AP4S1: variants seen among roughly 807,000 people sequenced by gnomAD.
AP4S1 encodes the protein AP-4 complex subunit sigma-1.
In AP4S1, 23 loss-of-function variants were observed where a neutral mutation model predicts 19.8. The ratio of observed to expected loss-of-function variants is 1.16; its 90% CI spans 0.84 to 1.65. AP4S1 has a LOEUF of 1.65. Among genes scored for constraint, AP4S1 ranks in the 40% most tolerant of loss-of-function variants. The probability of loss-of-function intolerance (pLI) is 0.00; values close to 1 mark genes in which losing one functional copy is unlikely to be tolerated. For synonymous variants in AP4S1, 46 were observed against 54.1 expected, an observed-to-expected ratio of 0.85 and a Z score of 0.66; for missense variants, 166 against 172.8, an observed-to-expected ratio of 0.96 and a Z score of 0.22.
chr14:31,065,131 A>G (rs757934379), intron 1 of AP4S1, among the ~76,000 whole-genome samples: 3 of 152,212 alleles, frequency 2.0e-5, no homozygotes, highest in Non-Finnish European at 4.4e-5. Context: ...TCCATTGCCC[A>G]TAAAATAAAG....
chr14:31,068,305 A>C (rs1204071993), intron 2 of AP4S1, among the ~76,000 whole-genome samples: 1 of 152,272 alleles, frequency 6.6e-6, no homozygotes, highest in East Asian at 1.9e-4. Context: ...TAATTTTGTC[A>C]GTTCTCCATT....
At chr14:31,062,737 G>T (rs1040239321) in intron 1 of AP4S1, among the ~76,000 whole-genome samples, 11 of 151,650 alleles carry the variant, frequency 7.3e-5, no homozygotes, top group African/African-American at 2.7e-4. Context: ...GGAGGCCAAG[G>T]TAGGCGGATC....
intron 5 of AP4S1, 169 bp downstream of exon 5, chr14:31,080,753 A>G (rs1566543787): frequency 1.1e-6 from 1 of 888,362 alleles, no homozygotes. Flanking sequence ...CTCCTCCCCA[A>G]CTTCGTCACC....
chr14:31,057,550 T>A (rs1335126530), intron 1 of AP4S1, among the ~76,000 whole-genome samples: 1 of 152,236 alleles, frequency 6.6e-6, no homozygotes, highest in Non-Finnish European at 1.5e-5. Flanking sequence ...GCATTAAGTT[T>A]ACATCATGTG....
At chr14:31,040,884 A>G (rs1397879602) in intron 1 of AP4S1, among the ~76,000 whole-genome samples, 6 of 151,828 alleles carry the variant, frequency 4.0e-5, no homozygotes, top group African/African-American at 1.2e-4. Context: ...TAAGATGTAC[A>G]TAACATGGTG....
intron 3 of AP4S1, among the ~76,000 whole-genome samples, chr14:31,071,269 T>C (rs1886983220): frequency 6.6e-6 from 1 of 152,168 alleles, no homozygotes; most frequent in Non-Finnish European, 1.5e-5. Context: ...GAAGTGGTTT[T>C]CCCATCTTCA....
At chr14:31,041,810 C>G (rs1032941384) in intron 1 of AP4S1, among the ~76,000 whole-genome samples, 1 of 152,136 alleles carries the variant, frequency 6.6e-6, no homozygotes, top group Non-Finnish European at 1.5e-5. Flanking sequence ...CACAGTTTGT[C>G]AAAGTAAGTA....
At chr14:31,063,864 T>C (rs571735659) in intron 1 of AP4S1, among the ~76,000 whole-genome samples, 1 of 152,350 alleles carries the variant, frequency 6.6e-6, no homozygotes, top group East Asian at 1.9e-4. Context: ...TTTGCAACTT[T>C]ACTATAAATC....
At chr14:31,092,580 T>C (rs1415442209) in intron 5 of AP4S1, among the ~76,000 whole-genome samples, 2 of 152,208 alleles carry the variant, frequency 1.3e-5, no homozygotes, top group African/African-American at 4.8e-5. Context: ...AACACTATTT[T>C]TGAGTTAAGG....
intron 4 of AP4S1, among the ~76,000 whole-genome samples, chr14:31,076,375 A>C (rs1037626471): frequency 1.3e-5 from 2 of 152,240 alleles, no homozygotes; most frequent in Non-Finnish European, 2.9e-5. Context: ...ATAGAGGCCA[A>C]TGAACTGTAG....
intron 2 of AP4S1, among the ~76,000 whole-genome samples, chr14:31,068,519 G>C (rs1191461904): frequency 6.6e-6 from 1 of 152,234 alleles, no homozygotes; most frequent in African/African-American, 2.4e-5. Flanking sequence ...GACGGAAACA[G>C]AAACTGTTAA....
At chr14:31,084,876 C>G (rs2139116206) in intron 5 of AP4S1, 2 of 1,614,224 alleles carry the variant, frequency 1.2e-6, no homozygotes, top group Non-Finnish European at 1.7e-6. Flanking sequence ...CCACCCCCAT[C>G]TACTGAATAG....
At chr14:31,053,714 C>T (rs1054938773) in intron 1 of AP4S1, among the ~76,000 whole-genome samples, 3 of 136,726 alleles carry the variant, frequency 2.2e-5, no homozygotes, top group Non-Finnish European at 4.6e-5. Context: ...GGATTGAAGA[C>T]ATGAGCTACC....
chr14:31,047,589 G>A (rs912966403), intron 1 of AP4S1, among the ~76,000 whole-genome samples: 1 of 151,902 alleles, frequency 6.6e-6, no homozygotes, highest in South Asian at 2.1e-4. Context: ...TAGAGACTGG[G>A]TTTCACTGTG....
intron 1 of AP4S1, among the ~76,000 whole-genome samples, chr14:31,049,019 A>G: frequency 6.6e-6 from 1 of 151,508 alleles, no homozygotes; most frequent in East Asian, 1.9e-4. Flanking sequence ...TTTGGGAGGC[A>G]GGGCAGATCA....
intron 2 of AP4S1, among the ~76,000 whole-genome samples, chr14:31,067,171 G>A (rs1301966728): frequency 6.7e-6 from 1 of 148,334 alleles, no homozygotes; most frequent in African/African-American, 2.5e-5. Flanking sequence ...TTGCTCCATT[G>A]CTCTCCAGCC....
intron 1 of AP4S1, among the ~76,000 whole-genome samples, chr14:31,030,948 T>C (rs145187937): frequency 2.5e-4 from 38 of 152,288 alleles, no homozygotes; most frequent in African/African-American, 8.4e-4. Context: ...ATTGATATGG[T>C]TTGGCTCTGT....
In AP4S1 at chr14:31,096,321, G is replaced by A. The variant is rs2139135330; in HGVS notation, c.*3286G>A. 6.6e-6 allele frequency: 1 copy of A among 152,236 alleles called. No individual in the cohort carries two copies. Among genetic ancestry groups the A allele is most frequent in the Middle Eastern group, 3.4e-3 (1 of 294 alleles). 9.4% of individuals were successfully genotyped at this position (152,236 alleles called of 1,614,324 possible). The stretch of plus-strand genomic sequence containing the variant: ...ATATACAGAACTGTCTTAGGCGAAA[G>A]TATGTACAGTAGTCCCTCTCTTATC... On this transcript the variant is annotated 3_prime_UTR_variant, in exon 6 of 6. Coordinates refer to ENST00000542754, the MANE Select transcript of AP4S1 (RefSeq NM_001128126.3).
intron 1 of AP4S1, among the ~76,000 whole-genome samples, chr14:31,050,992 A>G (rs1157535671): frequency 2.6e-5 from 4 of 151,980 alleles, no homozygotes; most frequent in African/African-American, 9.7e-5. Context: ...TCGGTGGCCC[A>G]TGACTGTATT....
Sources: gnomAD v4.1 joint callset for allele counts (sites outside exome capture counted in the v4.1 genomes callset) on GRCh38, gnomAD v4.1.1 for gene constraint, MANE v1.5 for transcripts, NCBI Gene and HGNC (gene_info 2026-07-23, HGNC 2026-07-21) for gene names.